Variants in CLSTN2 observed in about 807,000 individuals in gnomAD.
The protein encoded by CLSTN2 is calsyntenin 2.
In CLSTN2, 48 loss-of-function variants were observed where a neutral mutation model predicts 101.2. The ratio of observed to expected loss-of-function variants is 0.47; its 90% CI spans 0.38 to 0.60. CLSTN2 has a LOEUF of 0.60. Among genes scored for constraint, CLSTN2 ranks in the 20% least tolerant of loss-of-function variants. CLSTN2 has a pLI of 0.00. For missense variants in CLSTN2, 1,160 were observed against 1,238.2 expected (o/e 0.94, Z 0.95); for synonymous variants, 481 against 463.6 (o/e 1.04, Z -0.48).
At chr3:140,449,831 A>G (rs1933198296) in intron 6 of CLSTN2, 2 of 152,278 alleles carry the variant, frequency 1.3e-5, no homozygotes, top group Non-Finnish European at 2.9e-5. Context: ...GCTCTGTCAC[A>G]TAGTCACTGC....
intron 2 of CLSTN2, among the ~76,000 whole-genome samples, chr3:140,325,308 G>A (rs983555189): frequency 6.6e-6 from 1 of 152,180 alleles, no homozygotes; most frequent in East Asian, 1.9e-4. Flanking sequence ...CCAGCAGTGG[G>A]TTCCCACAGC....
chr3:140,546,686 G>A lies in CLSTN2; in HGVS notation c.1674+5G>A, dbSNP rs949891477. On this transcript the variant is annotated splice_donor_5th_base_variant and intron_variant, in intron 10 of 16. Coordinates refer to ENST00000458420, the MANE Select transcript of CLSTN2 (RefSeq NM_022131.3). ...AGCCTTGGCCAAGGAATAAAGGTAA[G>A]GCAGGAGCTGGCATCACTCCCAATA... 1.9e-6 allele frequency: 3 copies of A among 1,605,250 alleles called. No individual in the cohort carries two copies. The highest frequency in any genetic ancestry group is 1.7e-6 in the Non-Finnish European group (2 of 1,176,182).
At chr3:140,164,500 A>G (rs952729921) in intron 1 of CLSTN2, among the ~76,000 whole-genome samples, 9 of 152,182 alleles carry the variant, frequency 5.9e-5, no homozygotes, top group Non-Finnish European at 1.3e-4. Context: ...TCCATTTTGT[A>G]AAAGAGAGTG....
At chr3:139,991,839 A>G (rs745816551) in intron 1 of CLSTN2, among the ~76,000 whole-genome samples, 40 of 152,206 alleles carry the variant, frequency 2.6e-4, no homozygotes, top group Non-Finnish European at 5.9e-5. Flanking sequence ...TGGTTGTTAT[A>G]TAGCCTCTGT....
intron 1 of CLSTN2, among the ~76,000 whole-genome samples, chr3:140,116,378 G>A (rs970996104): frequency 1.3e-5 from 2 of 152,148 alleles, no homozygotes; most frequent in African/African-American, 4.8e-5. Context: ...TTGCCTGCAG[G>A]AGGCTCTGAG....
chr3:140,477,918 A>T (rs1197267657), intron 8 of CLSTN2, among the ~76,000 whole-genome samples: 1 of 152,210 alleles, frequency 6.6e-6, no homozygotes, highest in African/African-American at 2.4e-5. Context: ...ATAGGCAGGG[A>T]AGTCATTCCC....
chr3:139,973,815 A>G (rs895504617), intron 1 of CLSTN2, among the ~76,000 whole-genome samples: 7 of 152,008 alleles, frequency 4.6e-5, no homozygotes, highest in Non-Finnish European at 1.0e-4. Context: ...AATTTTTAAT[A>G]TATTTGTAGA....
At chr3:139,991,247 C>G (rs1000835674) in intron 1 of CLSTN2, among the ~76,000 whole-genome samples, 1 of 151,974 alleles carries the variant, frequency 6.6e-6, no homozygotes, top group African/African-American at 2.4e-5. Context: ...CTAAAACAAC[C>G]GTATCTATTA....
chr3:140,372,006 G>A (rs921178340), intron 2 of CLSTN2, among the ~76,000 whole-genome samples: 1 of 152,176 alleles, frequency 6.6e-6, no homozygotes, highest in African/African-American at 2.4e-5. Context: ...GGGTGGAGCA[G>A]GGATAACTTC....
chr3:140,462,221 A>G (rs888356889), intron 7 of CLSTN2, among the ~76,000 whole-genome samples: 2 of 152,182 alleles, frequency 1.3e-5, no homozygotes, highest in African/African-American at 4.8e-5. Flanking sequence ...AGTTACCTTT[A>G]TATAACATTA....
At chr3:139,995,712 G>GC (rs1936191685) in intron 1 of CLSTN2, among the ~76,000 whole-genome samples, 1 of 152,042 alleles carries the variant, frequency 6.6e-6, no homozygotes, top group Non-Finnish European at 1.5e-5. Flanking sequence ...GGATTAAGGG[G>GC]CCGCAGATCT....
At chr3:139,972,871 C>A (rs897311657) in intron 1 of CLSTN2, among the ~76,000 whole-genome samples, 2 of 152,100 alleles carry the variant, frequency 1.3e-5, no homozygotes, top group African/African-American at 4.8e-5. Flanking sequence ...GATGGATGAA[C>A]GAATGAATGA....
At chr3:140,344,794 G>A (rs1475080567) in intron 2 of CLSTN2, among the ~76,000 whole-genome samples, 5 of 152,150 alleles carry the variant, frequency 3.3e-5, no homozygotes, top group African/African-American at 9.7e-5. Flanking sequence ...CATGAATGTT[G>A]ACCCACATCT....
intron 5 of CLSTN2, among the ~76,000 whole-genome samples, chr3:140,441,175 A>G (rs2088759051): frequency 6.6e-6 from 1 of 152,240 alleles, no homozygotes; most frequent in Admixed American, 6.5e-5. Context: ...AAGTTGTCCA[A>G]CCTGGCACAA....
intron 4 of CLSTN2, among the ~76,000 whole-genome samples, chr3:140,407,199 C>A (rs1275163156): frequency 6.6e-6 from 1 of 152,158 alleles, no homozygotes; most frequent in South Asian, 2.1e-4. Flanking sequence ...TCTGAGCGAC[C>A]TTTCTGACTC....
intron 11 of CLSTN2, among the ~76,000 whole-genome samples, chr3:140,558,275 G>T (rs926565468): frequency 6.6e-6 from 1 of 152,188 alleles, no homozygotes; most frequent in African/African-American, 2.4e-5. Flanking sequence ...AGTAAGACGG[G>T]TGTAACCAAC....
intron 5 of CLSTN2, among the ~76,000 whole-genome samples, chr3:140,426,931 T>A (rs1002759987): frequency 6.6e-6 from 1 of 152,036 alleles, no homozygotes; most frequent in Non-Finnish European, 1.5e-5. Flanking sequence ...TCCTAGCACT[T>A]TGGGAGGCCG....
chr3:140,242,075 C>T lies in CLSTN2; in HGVS notation c.232+66002C>T, dbSNP rs936288763. 4.6e-5 allele frequency among the ~76,000 whole-genome samples: 7 copies of T among 151,876 alleles called. No individual in the cohort carries two copies. The South Asian group carries it at 6.2e-4, about 14-fold the overall frequency. On this transcript the variant is annotated intron_variant, in intron 2 of 16. Coordinates refer to ENST00000458420, the MANE Select transcript of CLSTN2 (RefSeq NM_022131.3). Reference sequence around the variant, plus strand: ...GGCGCCCGCCACCATGCCTGGCTGGCTAATTTTTGTATTTTTGGTAGAGAT... The same window carrying T: ...GGCGCCCGCCACCATGCCTGGCTGGTTAATTTTTGTATTTTTGGTAGAGAT...
At chr3:140,443,130 A>G (rs1932997371) in intron 5 of CLSTN2, among the ~76,000 whole-genome samples, 1 of 152,158 alleles carries the variant, frequency 6.6e-6, no homozygotes. Context: ...CCAGCCACTC[A>G]CTTTGTGTAA....
Sources: gnomAD v4.1 joint callset for allele counts (sites outside exome capture counted in the v4.1 genomes callset) on GRCh38, gnomAD v4.1.1 for gene constraint, MANE v1.5 for transcripts, NCBI Gene and HGNC (gene_info 2026-07-23, HGNC 2026-07-21) for gene names.